The following VGLL3 variants were observed in gnomAD, a reference collection of about 807,000 sequenced individuals.
VGLL3 encodes the protein vestigial like family member 3, also known as transcription cofactor vestigial-like protein 3.
Under a neutral mutation model 29.2 loss-of-function variants are expected in VGLL3, and 18 were observed. That is an observed-to-expected ratio of 0.62 (90% CI 0.43 to 0.91). The LOEUF (loss-of-function observed/expected upper bound fraction) is 0.91, where lower values mean the gene tolerates loss of function less well. Ranked by LOEUF, VGLL3 falls within the 40% of genes least tolerant of loss-of-function variation. The pLI is 0.00. For synonymous variants in VGLL3, 180 were observed against 151.8 expected (o/e 1.19, Z -1.36); for missense variants, 440 against 413.2 (o/e 1.06, Z -0.56).
chr3:86,990,533 C>T (rs904908690), intron 1 of VGLL3, 85 bp downstream of exon 1: 11 of 1,300,962 alleles, frequency 8.5e-6, no homozygotes, highest in Non-Finnish European at 1.1e-5. Flanking sequence ...GCCACGCGTG[C>T]CGGCGGGACG....
rs1704496920 is a variant in VGLL3 at position 86,945,884 on chromosome 3, G to A, written c.*1140C>T. 6.6e-6 allele frequency: 1 copy of A among 152,052 alleles called. No homozygotes were observed. The highest frequency in any genetic ancestry group is 2.4e-5 in the African/African-American group (1 of 41,416). 9.4% of individuals were successfully genotyped at this position (152,052 alleles called of 1,614,324 possible). Reference sequence around the variant, plus strand: ...TGTTTGTTTGTTTGTTTGTTTGTTTGTTTAGCTTACAGGGATAGGTGGCAT... The same window carrying A: ...TGTTTGTTTGTTTGTTTGTTTGTTTATTTAGCTTACAGGGATAGGTGGCAT... On this transcript the variant is annotated 3_prime_UTR_variant, in exon 4 of 4. Coordinates refer to ENST00000398399, the MANE Select transcript of VGLL3 (RefSeq NM_016206.4).
Position 86,942,608 on chromosome 3 carries a change from A to G in VGLL3, c.*4416T>C, listed in dbSNP as rs1409501936. On this transcript the variant is annotated 3_prime_UTR_variant, in exon 4 of 4. Coordinates refer to ENST00000398399, the MANE Select transcript of VGLL3 (RefSeq NM_016206.4). Reference sequence around the variant, plus strand: ...ATAACTAAAAATATAAACTATGGTGAATGAATGACACTGTCCTCATAATTT... The same window carrying G: ...ATAACTAAAAATATAAACTATGGTGGATGAATGACACTGTCCTCATAATTT... 1 of 152,218 alleles carries G rather than the reference A, an allele frequency of 6.6e-6. No individual in the cohort carries two copies. The highest frequency in any genetic ancestry group is 1.5e-5 in the Non-Finnish European group (1 of 68,044). The allele number at this position is 152,218 out of a possible 1,614,324, so 9.4% of individuals were successfully genotyped here. A position where few individuals can be genotyped will look rare whatever the true frequency, so the allele number is the denominator to read the frequency against.
intron 1 of VGLL3, chr3:86,990,289 A>G (rs1337924023): frequency 2.2e-5 from 22 of 984,352 alleles, no homozygotes; most frequent in Non-Finnish European, 2.7e-5. Flanking sequence ...GTTGAAAGGA[A>G]GTTTACTCAC....
intron 2 of VGLL3, among the ~76,000 whole-genome samples, chr3:86,972,858 G>T (rs1251886747): frequency 6.6e-6 from 1 of 151,978 alleles, no homozygotes; most frequent in Admixed American, 6.6e-5. Flanking sequence ...TTCATTTGGG[G>T]TTAAAAATAT....
intron 1 of VGLL3, among the ~76,000 whole-genome samples, chr3:86,985,240 A>T (rs62257352): frequency 0.012 from 1,780 of 152,302 alleles, 14 homozygotes; most frequent in Non-Finnish European, 0.019. Context: ...CCTACAGATC[A>T]TTGAAGAACA....
At chr3:86,949,687 G>T (rs1313558030) in intron 3 of VGLL3, among the ~76,000 whole-genome samples, 2 of 151,858 alleles carry the variant, frequency 1.3e-5, no homozygotes, top group East Asian at 1.9e-4. Context: ...TTAGCCGGGC[G>T]TGATGGCGGG....
intron 3 of VGLL3, among the ~76,000 whole-genome samples, chr3:86,960,977 T>C (rs1704827055): frequency 6.7e-6 from 1 of 149,166 alleles, no homozygotes; most frequent in South Asian, 2.1e-4. Flanking sequence ...GCATATGATG[T>C]TGTTTTGTTT....
intron 3 of VGLL3, among the ~76,000 whole-genome samples, chr3:86,964,723 A>G (rs1704923211): frequency 6.6e-6 from 1 of 152,208 alleles, no homozygotes; most frequent in African/African-American, 2.4e-5. Flanking sequence ...CCAGACATCA[A>G]ATCTTTTAGA....
At position 86,938,160 on chromosome 3, in the gene VGLL3, C is replaced by T. The variant is rs980998422; in HGVS notation, c.*8864G>A. ...CAGACTTACTGAGTTATAATTGACA[C>T]ATAAAAGTTATATATATTTAAGGTA... On this transcript the variant is annotated 3_prime_UTR_variant, in exon 4 of 4. Transcript: ENST00000398399. The T allele has an allele frequency of 6.6e-6, 1 of 152,146 alleles. No homozygotes were observed. The highest frequency in any genetic ancestry group is 1.9e-4 in the East Asian group (1 of 5,196). The allele number at this position is 152,146 out of a possible 1,614,324, so 9.4% of individuals were successfully genotyped here.
chr3:86,966,137 T>C (rs904190823), intron 3 of VGLL3, among the ~76,000 whole-genome samples: 2 of 152,108 alleles, frequency 1.3e-5, no homozygotes, highest in Admixed American at 1.3e-4. Flanking sequence ...TTGTGCCTTT[T>C]GTAGGGACAC....
chr3:86,955,458 C>A (rs948047950), intron 3 of VGLL3, among the ~76,000 whole-genome samples: 2 of 149,360 alleles, frequency 1.3e-5, no homozygotes, highest in Non-Finnish European at 3.0e-5. Flanking sequence ...GGTACCATCT[C>A]GGCTCACTGC....
At chr3:86,947,694 TTA>T (rs1377896213) in intron 3 of VGLL3, among the ~76,000 whole-genome samples, 4 of 152,158 alleles carry the variant, frequency 2.6e-5, no homozygotes, top group African/African-American at 9.7e-5. Context: ...CAAAAAGTAT[TTA>T]AAGTGGATTT....
Position 86,968,712 on chromosome 3 carries a change from A to G in VGLL3, c.815T>C (p.Ile272Thr). The G allele has an allele frequency of 1.2e-6, 2 of 1,614,142 alleles. No homozygotes were observed. Residue 272 changes from isoleucine to threonine, a missense_variant, in exon 3 of 4, where the codon ATT (isoleucine) becomes ACT (threonine). Physicochemically the swap from Ile to Thr is moderately conservative, Grantham distance 89. Transcript: ENST00000398399. ...TGTGATGTCACACTGGGGAGCAGGAATCCTGGCCGCATGCACTGAAGGCAT... is the reference window on the plus strand; with the variant it reads ...TGTGATGTCACACTGGGGAGCAGGAGTCCTGGCCGCATGCACTGAAGGCAT... ...LLMPSVHAAR[I>T]PAPQCDITKT...
intron 2 of VGLL3, 92 bp from the exon 3 acceptor site, chr3:86,969,215 T>C: frequency 7.1e-7 from 1 of 1,414,752 alleles, no homozygotes. Context: ...TGTCCAATAA[T>C]ATTTTACAAG....
intron 2 of VGLL3, among the ~76,000 whole-genome samples, chr3:86,977,740 C>T (rs1705240272): frequency 6.6e-6 from 1 of 152,184 alleles, no homozygotes; most frequent in South Asian, 2.1e-4. Flanking sequence ...ACCTCGAGAA[C>T]CATTTTACTA....
intron 2 of VGLL3, among the ~76,000 whole-genome samples, chr3:86,971,757 A>G (rs747624143): frequency 2.2e-4 from 34 of 152,340 alleles, no homozygotes; most frequent in Non-Finnish European, 3.4e-4. Flanking sequence ...TATTTCTGTC[A>G]TACCCACAAT....
chr3:86,990,297 C>A, intron 1 of VGLL3: 2 of 985,252 alleles, frequency 2.0e-6, no homozygotes, highest in Non-Finnish European at 2.4e-6. Context: ...GAAGTTTACT[C>A]ACATGGTCCT....
intron 3 of VGLL3, chr3:86,962,313 G>T (rs1022467086): frequency 1.0e-6 from 1 of 985,260 alleles, no homozygotes. Flanking sequence ...CAAGACAGAG[G>T]TTAGAGGAAT....
At chr3:86,989,568 A>G (rs1705534725) in intron 1 of VGLL3, among the ~76,000 whole-genome samples, 1 of 152,248 alleles carries the variant, frequency 6.6e-6, no homozygotes, top group South Asian at 2.1e-4. Flanking sequence ...CCCAAACCTA[A>G]GAAGGTTTGC....
Sources: allele counts gnomAD v4.1 joint callset (sites outside exome capture counted in the v4.1 genomes callset), GRCh38; gene constraint gnomAD v4.1.1; transcripts MANE v1.5; gene names NCBI Gene and HGNC (gene_info 2026-07-23, HGNC 2026-07-21).